SRSF6: variants seen among roughly 807,000 people sequenced by gnomAD.
The protein encoded by SRSF6 is serine and arginine rich splicing factor 6, also known as serine/arginine-rich splicing factor 6.
In SRSF6, 17 loss-of-function variants were observed where a neutral mutation model predicts 42.0. The ratio of observed to expected loss-of-function variants is 0.40; its 90% CI spans 0.28 to 0.61. SRSF6 has a LOEUF of 0.61. Among genes scored for constraint, SRSF6 ranks in the 20% least tolerant of loss-of-function variants. The pLI is 0.37. For missense variants in SRSF6, 379 were observed against 471.4 expected (o/e 0.80, Z 1.81); for synonymous variants, 204 against 166.7 (o/e 1.22, Z -1.72).
chr20:43,460,065 T>C lies in SRSF6; in HGVS notation c.414T>C (p.Tyr138=). ...TGCGACAAGCAGGTGAAGTAACCTATGCGGATGCCCACAAGGAACGAACAA... is the reference window on the plus strand; with the variant it reads ...TGCGACAAGCAGGTGAAGTAACCTACGCGGATGCCCACAAGGAACGAACAA... The part of the protein sequence containing the change: ...DFMRQAGEVT[Y]ADAHKERTNE... The change falls in exon 4 of 6, where the codon TAT becomes TAC. Residue 138 remains tyrosine (Y), a synonymous_variant. Coordinates refer to ENST00000244020, the MANE Select transcript of SRSF6 (RefSeq NM_006275.6). 2 of 1,614,260 alleles carry C rather than the reference T, an allele frequency of 1.2e-6. No individual in the cohort carries two copies. The highest frequency in any genetic ancestry group is 1.7e-6 in the Non-Finnish European group (2 of 1,180,060).
At position 43,461,501 on chromosome 20, in the gene SRSF6, C is replaced by T. The variant is rs528367348; in HGVS notation, c.*438C>T. The T allele has an allele frequency of 6.5e-6, 1 of 153,432 alleles. No homozygotes were observed. The highest frequency in any genetic ancestry group is 1.9e-4 in the East Asian group (1 of 5,206). 9.5% of individuals were successfully genotyped at this position (153,432 alleles called of 1,614,324 possible). On this transcript the variant is annotated 3_prime_UTR_variant, in exon 6 of 6. Transcript: ENST00000244020. ...AGAACCCAATTTTCAATTATGTTGG[C>T]TTTTTATAAAGCTTGAGTTATGTAA...
rs1380237559 is a variant in SRSF6, at chr20:43,458,109, G to A, written c.76G>A (p.Gly26Ser). 6.2e-7 allele frequency: 1 copy of A among 1,613,500 alleles called. No individual in the cohort carries two copies. Among genetic ancestry groups the A allele is most frequent in the Non-Finnish European group, 8.5e-7 (1 of 1,179,632 alleles). ...KDIQRFFSGY[G>S]RLLEVDLKNG... ...CATCCAGCGCTTTTTCAGTGGCTAT[G>A]GCCGCCTCCTCGAAGTAGACCTCAA... Residue 26 changes from glycine (G) to serine (S), a missense_variant, in exon 1 of 6, where the codon GGC becomes AGC. Around this residue, in one of 3 missense-constraint regions of SRSF6, gnomAD observed 117 missense variants for 146.8 expected, o/e 0.80. Coordinates refer to ENST00000244020, the MANE Select transcript of SRSF6 (RefSeq NM_006275.6).
At chr20:43,460,433 T>G in intron 4 of SRSF6, 82 bp from the exon 5 acceptor site, 1 of 1,400,050 alleles carries the variant, frequency 7.1e-7, no homozygotes, top group Non-Finnish European at 1.0e-6. Flanking sequence ...ACATTATTCT[T>G]TGGCTTATCT....
chr20:43,457,899 G>C lies in SRSF6; in HGVS notation c.-135G>C. 1.5e-6 allele frequency: 1 copy of C among 651,118 alleles called. No homozygotes were observed. Among genetic ancestry groups the C allele is most frequent in the Non-Finnish European group, 2.6e-6 (1 of 388,622 alleles). The allele number at this position is 651,118 out of a possible 1,614,324, so 40.3% of individuals were successfully genotyped here. A position where few individuals can be genotyped will look rare whatever the true frequency, so the allele number is the denominator to read the frequency against. ...AAGCCTGGCGCGCGCGCGCGCCATT[G>C]TGTGGCTGGACTCGGCCGCCCCTGT... On this transcript the variant is annotated 5_prime_UTR_variant, in exon 1 of 6. Transcript: ENST00000244020.
chr20:43,462,333 G>A lies in SRSF6; in HGVS notation c.*1270G>A, dbSNP rs2017616911. The A allele has an allele frequency of 6.6e-6, 1 of 152,188 alleles. No individual in the cohort carries two copies. Among genetic ancestry groups the A allele is most frequent in the Non-Finnish European group, 1.5e-5 (1 of 68,030 alleles). The allele number at this position is 152,188 out of a possible 1,614,324, so 9.4% of individuals were successfully genotyped here. On this transcript the variant is annotated 3_prime_UTR_variant, in exon 6 of 6. Transcript: ENST00000244020. The stretch of plus-strand genomic sequence containing the variant: ...AATTAGTCCATACATCCATAAGCCT[G>A]ATGAGTTGAAATTGCAGTTTGAGAA...
In SRSF6 at chr20:43,462,408, T is replaced by C. The variant is rs1457663378; in HGVS notation, c.*1345T>C. The C allele has an allele frequency of 6.6e-6, 1 of 152,218 alleles. No homozygotes were observed. Among genetic ancestry groups the C allele is most frequent in the Admixed American group, 6.5e-5 (1 of 15,272 alleles). 9.4% of individuals were successfully genotyped at this position (152,218 alleles called of 1,614,324 possible). On this transcript the variant is annotated 3_prime_UTR_variant, in exon 6 of 6. Transcript: ENST00000244020. ...TTCAGATACCTTAAAAGTTACTTTA[T>C]TTAAAAGCATTTATTAATCTTAGTC...
Position 43,458,421 on chromosome 20 carries a change from C to T in SRSF6, c.168C>T (p.Asn56=). The change falls in exon 2 of 6, where the codon AAC becomes AAT. Residue 56 remains asparagine, a synonymous_variant. Coordinates refer to ENST00000244020, the MANE Select transcript of SRSF6 (RefSeq NM_006275.6). ...CCGACGACGCCGTTTACGAGCTGAA[C>T]GGCAAGGAGCTCTGCGGCGAGCGCG... is the stretch of plus-strand genomic sequence containing the variant. The part of the protein sequence containing the change: ...RDADDAVYEL[N]GKELCGERVI... The T allele has an allele frequency of 6.5e-7, 1 of 1,549,154 alleles. No individual in the cohort carries two copies. Among genetic ancestry groups the T allele is most frequent in the Non-Finnish European group, 8.7e-7 (1 of 1,151,552 alleles).
In SRSF6 at chr20:43,461,307, C is replaced by A; in HGVS notation, c.*244C>A. 3.4e-5 allele frequency: 5 copies of A among 147,070 alleles called. No homozygotes were observed. The highest frequency in any genetic ancestry group is 4.9e-5 in the Non-Finnish European group (4 of 82,378). The allele number at this position is 147,070 out of a possible 1,614,324, so 9.1% of individuals were successfully genotyped here. On this transcript the variant is annotated 3_prime_UTR_variant, in exon 6 of 6. Coordinates refer to ENST00000244020, the MANE Select transcript of SRSF6 (RefSeq NM_006275.6). ...TTTTATAGCTTTTGAGCTAACGTAA[C>A]TTTTGTAAAGATTAAGCTCATTTAG... is the stretch of plus-strand genomic sequence containing the variant.
Position 43,461,067 on chromosome 20 carries a change from A to G in SRSF6, c.*4A>G, listed in dbSNP as rs373437463. On this transcript the variant is annotated 3_prime_UTR_variant, in exon 6 of 6. Coordinates refer to ENST00000244020, the MANE Select transcript of SRSF6 (RefSeq NM_006275.6). Reference sequence around the variant, plus strand: ...CAGGTCGAGTTCCAGAGATTAACTCAGAACTCCTTGTTTGCACATTATTAT... The same window carrying G: ...CAGGTCGAGTTCCAGAGATTAACTCGGAACTCCTTGTTTGCACATTATTAT... The G allele has an allele frequency of 1.5e-4, 239 of 1,557,964 alleles. No individual in the cohort carries two copies. Among genetic ancestry groups the G allele is most frequent in the Non-Finnish European group, 1.9e-4 (225 of 1,154,676 alleles).
chr20:43,458,591 A>T (rs1290784423), intron 2 of SRSF6, 82 bp downstream of exon 2: 4 of 1,335,140 alleles, frequency 3.0e-6, no homozygotes, highest in Non-Finnish European at 3.9e-6. Context: ...CAGCCCGGGC[A>T]GGCGCGAGGG....
chr20:43,461,868 A>G lies in SRSF6; in HGVS notation c.*805A>G, dbSNP rs1335956037. 2 of 152,284 alleles carry G rather than the reference A, an allele frequency of 1.3e-5. No homozygotes were observed. Among genetic ancestry groups the G allele is most frequent in the East Asian group, 3.8e-4 (2 of 5,206 alleles). The allele number at this position is 152,284 out of a possible 1,614,324, so 9.4% of individuals were successfully genotyped here. ...TAAACTATTTAAGAAATAGCTCCTA[A>G]TACTTGGGATCTTGTTTAGAGAATC... On this transcript the variant is annotated 3_prime_UTR_variant, in exon 6 of 6. Coordinates refer to ENST00000244020, the MANE Select transcript of SRSF6 (RefSeq NM_006275.6).
At position 43,460,090 on chromosome 20, in the gene SRSF6, A is replaced by G. The variant is rs2017559208; in HGVS notation, c.439A>G (p.Asn147Asp). Residue 147 changes from asparagine to aspartate, a missense_variant, in exon 4 of 6, where the codon AAT (asparagine) becomes GAT (aspartate). Asn to Asp is a conservative substitution (Grantham distance 23). Around this residue, in one of 3 missense-constraint regions of SRSF6, gnomAD observed 43 missense variants for 108.5 expected, o/e 0.40. Coordinates refer to ENST00000244020, the MANE Select transcript of SRSF6 (RefSeq NM_006275.6). Reference protein sequence around the residue: ...TYADAHKERTNEGVIEFRSYS... With the variant: ...TYADAHKERTDEGVIEFRSYS... ...TGCGGATGCCCACAAGGAACGAACA[A>G]ATGAGGGTGTAATTGAGTTTCGCTC... 3 of 1,614,250 alleles carry G rather than the reference A, an allele frequency of 1.9e-6. No individual in the cohort carries two copies. The highest frequency in any genetic ancestry group is 1.7e-6 in the Non-Finnish European group (2 of 1,180,046).
rs1317477669 is a variant in SRSF6 at position 43,457,934 on chromosome 20, C to G, written c.-100C>G. Reference sequence around the variant, plus strand: ...ACTCGGCCGCCCCTGTGGTGTGAGGCGCGTGTTCGGGCTCTTGCCGTCCCC... The same window carrying G: ...ACTCGGCCGCCCCTGTGGTGTGAGGGGCGTGTTCGGGCTCTTGCCGTCCCC... On this transcript the variant is annotated 5_prime_UTR_variant, in exon 1 of 6. Coordinates refer to ENST00000244020, the MANE Select transcript of SRSF6 (RefSeq NM_006275.6). 6 of 979,686 alleles carry G rather than the reference C, an allele frequency of 6.1e-6. No homozygotes were observed. Among genetic ancestry groups the G allele is most frequent in the Non-Finnish European group, 7.8e-6 (5 of 641,626 alleles). 60.7% of individuals were successfully genotyped at this position (979,686 alleles called of 1,614,324 possible). A position where few individuals can be genotyped will look rare whatever the true frequency, so the allele number is the denominator to read the frequency against.
rs1465814017 is a variant in SRSF6, at chr20:43,462,360, T to C, written c.*1297T>C. On this transcript the variant is annotated 3_prime_UTR_variant, in exon 6 of 6. Transcript: ENST00000244020. The stretch of plus-strand genomic sequence containing the variant: ...TGAGTTGAAATTGCAGTTTGAGAAG[T>C]GAATTAACCTTACATCCCTTTGTTC... 6.6e-6 allele frequency: 1 copy of C among 152,244 alleles called. No homozygotes were observed. The highest frequency in any genetic ancestry group is 1.5e-5 in the Non-Finnish European group (1 of 68,038). 9.4% of individuals were successfully genotyped at this position (152,244 alleles called of 1,614,324 possible).
In SRSF6 at chr20:43,458,112, C is replaced by T; in HGVS notation, c.79C>T (p.Arg27Cys). 1 of 1,613,466 alleles carries T rather than the reference C, an allele frequency of 6.2e-7. No homozygotes were observed. Among genetic ancestry groups the T allele is most frequent in the Non-Finnish European group, 8.5e-7 (1 of 1,179,622 alleles). ...CCAGCGCTTTTTCAGTGGCTATGGCCGCCTCCTCGAAGTAGACCTCAAAAA... is the reference window on the plus strand; with the variant it reads ...CCAGCGCTTTTTCAGTGGCTATGGCTGCCTCCTCGAAGTAGACCTCAAAAA... ...DIQRFFSGYG[R>C]LLEVDLKNGY... is the part of the protein sequence containing the mutation. Residue 27 changes from arginine (R) to cysteine (C), a missense_variant, in exon 1 of 6, where the codon CGC becomes TGC. Arg to Cys is a radical substitution (Grantham distance 180). Transcript: ENST00000244020.
At chr20:43,458,882 G>A (rs2017543158) in intron 2 of SRSF6, among the ~76,000 whole-genome samples, 2 of 151,636 alleles carry the variant, frequency 1.3e-5, no homozygotes, top group African/African-American at 4.8e-5. Context: ...GTGGGGTAGG[G>A]GGCGCGGGGG....
At position 43,460,562 on chromosome 20, in the gene SRSF6, G is replaced by A. The variant is rs569983643; in HGVS notation, c.638G>A (p.Arg213His). 5.0e-6 allele frequency: 8 copies of A among 1,614,154 alleles called. No homozygotes were observed. Among genetic ancestry groups the A allele is most frequent in the South Asian group, 3.3e-5 (3 of 91,080 alleles). ...CGAAGTAGGAGTCGCAGGAGCAGCCGCAGTAGATCTCGAAGTATCTCAAAA... is the reference window on the plus strand; with the variant it reads ...CGAAGTAGGAGTCGCAGGAGCAGCCACAGTAGATCTCGAAGTATCTCAAAA... ...RSRSRSRRSS[R>H]SRSRSISKSR... is the part of the protein sequence containing the mutation. The change falls in exon 5 of 6, where the codon CGC (arginine) becomes CAC (histidine). Residue 213 changes from arginine (R) to histidine (H), a missense_variant. Arg to His is a conservative substitution (Grantham distance 29). Coordinates refer to ENST00000244020, the MANE Select transcript of SRSF6 (RefSeq NM_006275.6).
rs1437399125 is a variant in SRSF6 at position 43,462,383 on chromosome 20, T to G, written c.*1320T>G. On this transcript the variant is annotated 3_prime_UTR_variant, in exon 6 of 6. Transcript: ENST00000244020. ...AGTGAATTAACCTTACATCCCTTTG[T>G]TCAGATACCTTAAAAGTTACTTTAT... 1 of 152,216 alleles carries G rather than the reference T, an allele frequency of 6.6e-6. No individual in the cohort carries two copies. The highest frequency in any genetic ancestry group is 1.5e-5 in the Non-Finnish European group (1 of 68,038). 9.4% of individuals were successfully genotyped at this position (152,216 alleles called of 1,614,324 possible). A position where few individuals can be genotyped will look rare whatever the true frequency, so the allele number is the denominator to read the frequency against.
At chr20:43,459,590 G>A (rs1446693010) in intron 2 of SRSF6, among the ~76,000 whole-genome samples, 181 bp from the exon 3 acceptor site, 3 of 152,232 alleles carry the variant, frequency 2.0e-5, no homozygotes, top group Non-Finnish European at 2.9e-5. Flanking sequence ...GTTGGATTTA[G>A]TCTATTTGAC....
Sources: allele counts gnomAD v4.1 joint callset (sites outside exome capture counted in the v4.1 genomes callset), GRCh38; gene constraint gnomAD v4.1.1; regional missense constraint gnomAD v4.1.1; transcripts MANE v1.5; gene names NCBI Gene and HGNC (gene_info 2026-07-23, HGNC 2026-07-21).